Variants in ERBB4 observed in about 807,000 individuals in gnomAD.
ERBB4 encodes the protein erb-b2 receptor tyrosine kinase 4.
A neutral mutation model predicts 158.0 loss-of-function variants in ERBB4; 42 were observed. The observed-to-expected ratio is 0.27, with a 90% CI of 0.21 to 0.34. ERBB4 has a LOEUF of 0.34. ERBB4 is among the 10% of genes least tolerant of loss of function. ERBB4 has a pLI of 1.00. For missense variants in ERBB4, 1,333 were observed against 1,624.1 expected, an observed-to-expected ratio of 0.82 and a Z score of 3.08; for synonymous variants, 583 against 558.7, an observed-to-expected ratio of 1.04 and a Z score of -0.61.
chr2:211,689,868 A>G, intron 12 of ERBB4, among the ~76,000 whole-genome samples: 1 of 151,930 alleles, frequency 6.6e-6, no homozygotes, highest in East Asian at 1.9e-4. Flanking sequence ...AACAACTTGT[A>G]AAGAGAAGTA....
intron 1 of ERBB4, among the ~76,000 whole-genome samples, chr2:212,215,583 C>CA (rs75794729): frequency 0.55 from 83,535 of 150,890 alleles, 23,349 homozygotes; most frequent in East Asian, 0.77. Context: ...ATTCACAAAA[C>CA]TTAGTTTTTG....
At chr2:211,399,179 C>T (rs2062982655) in intron 25 of ERBB4, among the ~76,000 whole-genome samples, 2 of 152,164 alleles carry the variant, frequency 1.3e-5, no homozygotes, top group Non-Finnish European at 2.9e-5. Flanking sequence ...CCATTATATG[C>T]CCCATGTGAA....
intron 1 of ERBB4, among the ~76,000 whole-genome samples, chr2:212,329,072 CT>C (rs2088003561): frequency 1.3e-5 from 2 of 151,952 alleles, no homozygotes; most frequent in African/African-American, 4.8e-5. Context: ...GTACTAAGAA[CT>C]TGTTTAATTT....
At chr2:211,918,950 A>G (rs911230942) in intron 3 of ERBB4, among the ~76,000 whole-genome samples, 1 of 152,070 alleles carries the variant, frequency 6.6e-6, no homozygotes, top group Non-Finnish European at 1.5e-5. Context: ...AATCTAGCCT[A>G]TTCTAACTGA....
chr2:211,414,573 T>TAATC (rs1206979660), intron 25 of ERBB4, among the ~76,000 whole-genome samples: 1 of 150,384 alleles, frequency 6.6e-6, no homozygotes, highest in Non-Finnish European at 1.5e-5. Context: ...GCATGAGATA[T>TAATC]AATCAGGCAA....
intron 2 of ERBB4, among the ~76,000 whole-genome samples, chr2:212,091,059 C>T (rs1295694272): frequency 6.6e-6 from 1 of 151,990 alleles, no homozygotes; most frequent in African/African-American, 2.4e-5. Flanking sequence ...ATAACTGTTT[C>T]CCAAAACTGA....
chr2:211,820,830 C>G (rs986733884), intron 3 of ERBB4, among the ~76,000 whole-genome samples: 1 of 151,624 alleles, frequency 6.6e-6, no homozygotes, highest in Admixed American at 6.6e-5. Context: ...AAATGAAAGA[C>G]AAAAACTATG....
chr2:212,495,024 C>G (rs1235271272), intron 1 of ERBB4, among the ~76,000 whole-genome samples: 2 of 152,078 alleles, frequency 1.3e-5, no homozygotes, highest in East Asian at 3.8e-4. Context: ...ATTTCTGAAA[C>G]TTACATTGAA....
chr2:212,252,367 T>C (rs554766976), intron 1 of ERBB4, among the ~76,000 whole-genome samples: 3 of 152,112 alleles, frequency 2.0e-5, no homozygotes, highest in African/African-American at 7.2e-5. Context: ...ATGAAAGCCA[T>C]GTTAAGAAAG....
intron 1 of ERBB4, among the ~76,000 whole-genome samples, chr2:212,184,298 C>A (rs768152936): frequency 6.6e-6 from 1 of 151,980 alleles, no homozygotes; most frequent in Non-Finnish European, 1.5e-5. Context: ...TAAGACCCTG[C>A]CGAAAACCCT....
At chr2:212,298,061 T>G (rs2086479556) in intron 1 of ERBB4, among the ~76,000 whole-genome samples, 1 of 151,840 alleles carries the variant, frequency 6.6e-6, no homozygotes, top group South Asian at 2.1e-4. Flanking sequence ...GAGTAAAATG[T>G]ATTATTATCT....
chr2:212,350,810 T>TAA (rs35884250), intron 1 of ERBB4, among the ~76,000 whole-genome samples: 399 of 151,708 alleles, frequency 2.6e-3, no homozygotes, highest in Non-Finnish European at 4.7e-3. Flanking sequence ...TGTAAAATAA[T>TAA]AAAAAAAATG....
chr2:212,275,172 T>C (rs894080874), intron 1 of ERBB4, among the ~76,000 whole-genome samples: 9 of 152,082 alleles, frequency 5.9e-5, no homozygotes, highest in Middle Eastern at 3.4e-3. Flanking sequence ...CAGTCTATCA[T>C]TGATGGGTAT....
At chr2:211,737,530 ATGACTTTACATAATTT>A (rs1411001700) in intron 5 of ERBB4, among the ~76,000 whole-genome samples, 1 of 152,168 alleles carries the variant, frequency 6.6e-6, no homozygotes, top group African/African-American at 2.4e-5. Flanking sequence ...TTCTCTGGAG[ATGACTTTACATAATTT>A]TGACTTTACA....
At chr2:212,088,764 T>A (rs2078689079) in intron 2 of ERBB4, among the ~76,000 whole-genome samples, 1 of 152,178 alleles carries the variant, frequency 6.6e-6, no homozygotes, top group Non-Finnish European at 1.5e-5. Context: ...AAGAAATAGC[T>A]TTTATGTGTC....
intron 1 of ERBB4, among the ~76,000 whole-genome samples, chr2:212,232,750 C>T (rs950614627): frequency 6.6e-6 from 1 of 152,138 alleles, no homozygotes. Flanking sequence ...CAGAATCTCA[C>T]TTTTCTTTCT....
chr2:211,394,525 C>T lies in ERBB4; in HGVS notation c.3136-6533G>A, dbSNP rs950668486. On this transcript the variant is annotated intron_variant, in intron 25 of 27. Coordinates refer to ENST00000342788, the MANE Select transcript of ERBB4 (RefSeq NM_005235.3). ...TAAAGAGGAAAACTTCTAGGAGTTT[C>T]TCAAAGACTTCTCAGTAATTCTTTT... Among the ~76,000 whole-genome samples, 24 of 152,256 alleles carry T rather than the reference C, an allele frequency of 1.6e-4. 1 individual carries two copies. Among genetic ancestry groups the T allele is most frequent in the Admixed American group, 4.6e-4 (7 of 15,296 alleles).
intron 20 of ERBB4, among the ~76,000 whole-genome samples, chr2:211,555,385 A>G (rs2067210677): frequency 6.6e-6 from 1 of 152,076 alleles, no homozygotes; most frequent in South Asian, 2.1e-4. Context: ...GGGTTTCTCC[A>G]TGTTGGTCAG....
At chr2:211,996,446 A>G (rs779963249) in intron 2 of ERBB4, among the ~76,000 whole-genome samples, 57 of 152,172 alleles carry the variant, frequency 3.7e-4, no homozygotes, top group African/African-American at 5.3e-4. Context: ...TAGAGTATTT[A>G]TAATAAGAAG....
Sources: allele counts gnomAD v4.1 joint callset (sites outside exome capture counted in the v4.1 genomes callset), GRCh38; gene constraint gnomAD v4.1.1; transcripts MANE v1.5; gene names NCBI Gene and HGNC (gene_info 2026-07-23, HGNC 2026-07-21).